Variants in DCC observed in about 807,000 individuals in gnomAD.
DCC encodes netrin receptor DCC.
In DCC, 58 loss-of-function variants were observed where a neutral mutation model predicts 172.5. That is an observed-to-expected ratio of 0.34 (90% CI 0.27 to 0.42). The LOEUF (loss-of-function observed/expected upper bound fraction) is 0.42. DCC is among the 10% of genes least tolerant of loss of function. The pLI is 1.00. For synonymous variants in DCC, 709 were observed against 644.5 expected, an observed-to-expected ratio of 1.10 and a Z score of -1.52; for missense variants, 1,740 against 1,791.0, an observed-to-expected ratio of 0.97 and a Z score of 0.51.
chr18:53,305,102 T>C (rs2057184925), intron 12 of DCC, among the ~76,000 whole-genome samples: 1 of 152,260 alleles, frequency 6.6e-6, no homozygotes, highest in Non-Finnish European at 1.5e-5. Context: ...CTGCCATGAT[T>C]GTGAGGTTTC....
intron 2 of DCC, among the ~76,000 whole-genome samples, chr18:52,860,135 A>G (rs555308319): frequency 6.6e-6 from 1 of 152,326 alleles, no homozygotes; most frequent in South Asian, 2.1e-4. Context: ...ACAAAGGTTA[A>G]TATCTGGAGT....
At chr18:53,283,616 C>G (rs1242426747) in intron 12 of DCC, among the ~76,000 whole-genome samples, 2 of 152,110 alleles carry the variant, frequency 1.3e-5, no homozygotes, top group Non-Finnish European at 2.9e-5. Context: ...AGGCTTTCTT[C>G]AGAACACAAC....
chr18:53,339,687 T>A (rs761280465), intron 14 of DCC, 26 bp from the exon 15 acceptor site: 48 of 1,592,972 alleles, frequency 3.0e-5, no homozygotes, highest in Non-Finnish European at 3.7e-5. Flanking sequence ...TGAGACATGC[T>A]GATGATGCCT....
intron 12 of DCC, among the ~76,000 whole-genome samples, chr18:53,280,332 G>A (rs2056856430): frequency 6.6e-6 from 1 of 152,050 alleles, no homozygotes; most frequent in Non-Finnish European, 1.5e-5. Context: ...TTACATTTCA[G>A]AGACATTTGT....
At chr18:52,778,760 GTCAAGATAT>G (rs1423995802) in intron 2 of DCC, among the ~76,000 whole-genome samples, 7 of 152,148 alleles carry the variant, frequency 4.6e-5, no homozygotes, top group Admixed American at 4.6e-4. Context: ...AACCAAGGTT[GTCAAGATAT>G]TCTGTTTTAT....
At chr18:53,204,110 A>G (rs2055586936) in intron 9 of DCC, among the ~76,000 whole-genome samples, 2 of 142,162 alleles carry the variant, frequency 1.4e-5, no homozygotes, top group African/African-American at 6.3e-5. Flanking sequence ...ATTTGATATG[A>G]GTATCATATG....
intron 1 of DCC, among the ~76,000 whole-genome samples, chr18:52,517,181 A>G (rs771392261): frequency 6.6e-6 from 1 of 152,230 alleles, no homozygotes; most frequent in Non-Finnish European, 1.5e-5. Context: ...TGTGTTGTAA[A>G]CATTAATAGA....
At chr18:52,824,061 G>A (rs561206672) in intron 2 of DCC, among the ~76,000 whole-genome samples, 1 of 152,300 alleles carries the variant, frequency 6.6e-6, no homozygotes, top group South Asian at 2.1e-4. Flanking sequence ...AGGGTGAATT[G>A]CAACTCCATG....
intron 17 of DCC, among the ~76,000 whole-genome samples, chr18:53,392,782 A>G (rs1908645046): frequency 6.6e-6 from 1 of 152,218 alleles, no homozygotes; most frequent in Admixed American, 6.5e-5. Flanking sequence ...TACTTACTAC[A>G]TATAATTTTA....
At chr18:52,689,740 G>A (rs2035900799) in intron 1 of DCC, among the ~76,000 whole-genome samples, 1 of 152,082 alleles carries the variant, frequency 6.6e-6, no homozygotes, top group South Asian at 2.1e-4. Flanking sequence ...AATATTACTG[G>A]TCTCATGTTG....
In DCC at chr18:52,906,139, A is replaced by G. The variant is rs1391094759; in HGVS notation, c.508A>G (p.Thr170Ala). 1 of 1,613,936 alleles carries G rather than the reference A, an allele frequency of 6.2e-7. No individual in the cohort carries two copies. The highest frequency in any genetic ancestry group is 1.3e-5 in the African/African-American group (1 of 74,914). ...TGAAGTCATTGGGGAGCCCATGCCAACAATCCACTGGCAGAAGAACCAACA... is the reference window on the plus strand; with the variant it reads ...TGAAGTCATTGGGGAGCCCATGCCAGCAATCCACTGGCAGAAGAACCAACA... ...KCEVIGEPMPTIHWQKNQQDL... is the reference protein window; with the variant it reads ...KCEVIGEPMPAIHWQKNQQDL... Residue 170 changes from threonine (T) to alanine (A), a missense_variant, in exon 3 of 29, where the codon ACA (threonine) becomes GCA (alanine). Physicochemically the swap from Thr to Ala is moderately conservative, Grantham distance 58. Coordinates refer to ENST00000442544, the MANE Select transcript of DCC (RefSeq NM_005215.4).
chr18:53,443,299 G>A (rs58048980), intron 22 of DCC, among the ~76,000 whole-genome samples: 4,676 of 152,130 alleles, frequency 0.031, 259 homozygotes, highest in African/African-American at 0.11. Flanking sequence ...AAATCCTAGG[G>A]CCCTTAAGAA....
At chr18:52,942,492 C>T (rs1001152054) in intron 5 of DCC, among the ~76,000 whole-genome samples, 2 of 152,080 alleles carry the variant, frequency 1.3e-5, no homozygotes, top group Non-Finnish European at 2.9e-5. Flanking sequence ...CTGATAAAGA[C>T]ATAATCGGGG....
At chr18:53,190,632 A>G (rs771285134) in intron 9 of DCC, among the ~76,000 whole-genome samples, 37 of 152,170 alleles carry the variant, frequency 2.4e-4, no homozygotes, top group Non-Finnish European at 3.5e-4. Flanking sequence ...TTCAGAAAAC[A>G]TAGCAGTGAC....
At chr18:52,837,303 C>T (rs908250163) in intron 2 of DCC, among the ~76,000 whole-genome samples, 1 of 152,242 alleles carries the variant, frequency 6.6e-6, no homozygotes, top group Non-Finnish European at 1.5e-5. Flanking sequence ...ATTTCCATGG[C>T]TGGCTTGAAT....
chr18:52,946,404 A>G (rs1409049466), intron 5 of DCC, among the ~76,000 whole-genome samples: 1 of 152,230 alleles, frequency 6.6e-6, no homozygotes, highest in Non-Finnish European at 1.5e-5. Flanking sequence ...CTTCTGTACT[A>G]CGTAGGTATT....
At chr18:52,722,714 A>G (rs968886721) in intron 1 of DCC, among the ~76,000 whole-genome samples, 1 of 152,036 alleles carries the variant, frequency 6.6e-6, no homozygotes, top group Non-Finnish European at 1.5e-5. Context: ...ACCTGCCCTC[A>G]CCTGGATGGG....
At chr18:53,019,876 G>T (rs2041855602) in intron 5 of DCC, among the ~76,000 whole-genome samples, 1 of 152,092 alleles carries the variant, frequency 6.6e-6, no homozygotes, top group Non-Finnish European at 1.5e-5. Flanking sequence ...TTACAAAAAG[G>T]ACCTTCATTG....
At chr18:52,761,720 G>A (rs2037162504) in intron 2 of DCC, among the ~76,000 whole-genome samples, 1 of 151,912 alleles carries the variant, frequency 6.6e-6, no homozygotes, top group African/African-American at 2.4e-5. Flanking sequence ...CCTGTTAAAA[G>A]ACAGAGCCTT....
Sources: allele counts gnomAD v4.1 joint callset (sites outside exome capture counted in the v4.1 genomes callset), GRCh38; gene constraint gnomAD v4.1.1; transcripts MANE v1.5; gene names NCBI Gene and HGNC (gene_info 2026-07-23, HGNC 2026-07-21).